CCDC171: variants seen among roughly 807,000 people sequenced by gnomAD.
The protein encoded by CCDC171 is coiled-coil domain containing 171.
In CCDC171, 177 loss-of-function variants were observed where a neutral mutation model predicts 168.2. The ratio of observed to expected loss-of-function variants is 1.05; its 90% CI spans 0.93 to 1.19. The LOEUF (loss-of-function observed/expected upper bound fraction) is 1.19. Among genes scored for constraint, CCDC171 ranks in the 50% most tolerant of loss-of-function variants. The pLI, the probability that CCDC171 is intolerant of heterozygous loss-of-function variation, is 0.00. For missense variants in CCDC171, 1,991 were observed against 1,539.0 expected, an observed-to-expected ratio of 1.29 and a Z score of -4.91; for synonymous variants, 687 against 540.8, an observed-to-expected ratio of 1.27 and a Z score of -3.75.
In CCDC171 at chr9:15,680,125, C is replaced by T. The variant is rs145966070; in HGVS notation, c.1215+1229C>T. ...CACCGAAATTTGATGTGTATTATGT[C>T]TCCCAAGAGGATATGAATGCATTGA... On this transcript the variant is annotated intron_variant, in intron 10 of 25. Coordinates refer to ENST00000380701, the MANE Select transcript of CCDC171 (RefSeq NM_173550.4). Among the ~76,000 whole-genome samples, 148 of 152,258 alleles carry T rather than the reference C, an allele frequency of 9.7e-4. 1 individual carries two copies. Among genetic ancestry groups the T allele is most frequent in the African/African-American group, 3.3e-3 (136 of 41,554 alleles).
intron 25 of CCDC171, among the ~76,000 whole-genome samples, chr9:15,970,414 C>A (rs753512959): frequency 2.0e-5 from 3 of 150,974 alleles, no homozygotes; most frequent in Non-Finnish European, 4.4e-5. Flanking sequence ...TTTTTAAAAC[C>A]CTGCAATATA....
At chr9:15,710,556 C>G (rs576282669) in intron 11 of CCDC171, among the ~76,000 whole-genome samples, 1 of 152,022 alleles carries the variant, frequency 6.6e-6, no homozygotes, top group Non-Finnish European at 1.5e-5. Flanking sequence ...CCGCCTCGAC[C>G]TCCCAAAGTG....
intron 3 of CCDC171, among the ~76,000 whole-genome samples, chr9:15,979,606 C>T (rs1464083475): frequency 1.3e-5 from 2 of 152,018 alleles, no homozygotes; most frequent in African/African-American, 2.4e-5. Flanking sequence ...GATTTTCACA[C>T]GTTAAACCAA....
At chr9:16,014,971 C>T (rs527612484) in intron 3 of CCDC171, among the ~76,000 whole-genome samples, 1 of 152,118 alleles carries the variant, frequency 6.6e-6, no homozygotes, top group Admixed American at 6.5e-5. Context: ...GTCAGCCTGC[C>T]CTTTGAAGCC....
At chr9:15,904,905 A>G (rs1469654234) in intron 24 of CCDC171, among the ~76,000 whole-genome samples, 7 of 151,534 alleles carry the variant, frequency 4.6e-5, no homozygotes, top group African/African-American at 1.2e-4. Context: ...TAAACCAACA[A>G]AGATCAAAAG....
At chr9:15,653,208 C>CAGCT (rs2047663991) in intron 7 of CCDC171, among the ~76,000 whole-genome samples, 1 of 152,174 alleles carries the variant, frequency 6.6e-6, no homozygotes, top group Non-Finnish European at 1.5e-5. Flanking sequence ...AGCACCATGA[C>CAGCT]AGCTCACTGC....
chr9:15,910,559 T>A (rs1466822031), intron 24 of CCDC171, among the ~76,000 whole-genome samples: 7 of 152,160 alleles, frequency 4.6e-5, no homozygotes, highest in Non-Finnish European at 7.4e-5. Context: ...GCTCTTTTTT[T>A]AATATACTTT....
At chr9:15,693,001 G>T (rs2050930971) in intron 10 of CCDC171, among the ~76,000 whole-genome samples, 1 of 151,946 alleles carries the variant, frequency 6.6e-6, no homozygotes, top group African/African-American at 2.4e-5. Flanking sequence ...GTCGGGTGTG[G>T]TCGTGGGCAC....
chr9:16,071,086 G>T, the CCDC171 span, among the ~76,000 whole-genome samples: 1 of 152,188 alleles, frequency 6.6e-6, no homozygotes, highest in African/African-American at 2.4e-5. Flanking sequence ...GAGCTCCCAG[G>T]AGCCGTCACA....
chr9:15,982,442 C>T (rs1449280445), intron 3 of CCDC171, among the ~76,000 whole-genome samples: 1 of 151,826 alleles, frequency 6.6e-6, no homozygotes, highest in Non-Finnish European at 1.5e-5. Flanking sequence ...AGCACACAGC[C>T]AAATGGCACA....
chr9:15,842,507 C>G (rs1349591945), intron 21 of CCDC171, among the ~76,000 whole-genome samples: 4 of 151,854 alleles, frequency 2.6e-5, no homozygotes, highest in Non-Finnish European at 5.9e-5. Context: ...CTTTGTATAT[C>G]TTATGCAGTT....
intron 6 of CCDC171, among the ~76,000 whole-genome samples, chr9:15,600,858 G>A (rs188007401): frequency 6.6e-6 from 1 of 152,140 alleles, no homozygotes; most frequent in Non-Finnish European, 1.5e-5. Context: ...CCCCAGCCTC[G>A]CTGCCACCTT....
chr9:15,895,390 A>G (rs1305341642), intron 24 of CCDC171, among the ~76,000 whole-genome samples: 1 of 152,120 alleles, frequency 6.6e-6, no homozygotes, highest in Non-Finnish European at 1.5e-5. Context: ...GTACTCTTAG[A>G]TATCAAAAAT....
intron 25 of CCDC171, among the ~76,000 whole-genome samples, chr9:15,947,746 T>C (rs1003537521): frequency 2.0e-5 from 3 of 152,022 alleles, no homozygotes; most frequent in African/African-American, 4.8e-5. Flanking sequence ...ACTGGATCAT[T>C]TGGTGATTCT....
the CCDC171 span, among the ~76,000 whole-genome samples, chr9:16,090,568 A>T: frequency 5.3e-5 from 8 of 152,206 alleles, no homozygotes; most frequent in Non-Finnish European, 1.2e-4. Context: ...AGTATAATTT[A>T]AAAAATGCTC....
intron 21 of CCDC171, among the ~76,000 whole-genome samples, chr9:15,810,695 G>A (rs976372558): frequency 1.3e-5 from 2 of 152,188 alleles, no homozygotes; most frequent in Non-Finnish European, 2.9e-5. Context: ...TGGCTGCTCC[G>A]AGTGCGGGGC....
chr9:16,100,495 C>T, the CCDC171 span, among the ~76,000 whole-genome samples: 25 of 152,246 alleles, frequency 1.6e-4, no homozygotes, highest in Middle Eastern at 6.8e-3. Flanking sequence ...ATGTAATTGG[C>T]CACACACACA....
chr9:15,996,223 C>T (rs559489393), intron 3 of CCDC171, among the ~76,000 whole-genome samples: 39 of 152,246 alleles, frequency 2.6e-4, no homozygotes, highest in Admixed American at 1.4e-3. Context: ...CACCACAGAG[C>T]AGAGAATAAG....
chr9:15,579,132 C>T (rs1167542589), intron 4 of CCDC171, 109 bp downstream of exon 4: 6 of 824,248 alleles, frequency 7.3e-6, no homozygotes, highest in South Asian at 4.5e-5. Flanking sequence ...GATTCTGATT[C>T]GTTGACTGAC....
Sources: gnomAD v4.1 joint callset for allele counts (sites outside exome capture counted in the v4.1 genomes callset) on GRCh38, gnomAD v4.1.1 for gene constraint, MANE v1.5 for transcripts, NCBI Gene and HGNC (gene_info 2026-07-23, HGNC 2026-07-21) for gene names.